RSPO3: variants seen among roughly 807,000 people sequenced by gnomAD.
RSPO3 encodes R-spondin-3.
In RSPO3, 17 loss-of-function variants were observed where a neutral mutation model predicts 36.5. The ratio of observed to expected loss-of-function variants is 0.47; its 90% CI spans 0.32 to 0.70. RSPO3 has a LOEUF of 0.70. RSPO3 is among the 30% of genes least tolerant of loss of function. RSPO3 has a pLI of 0.04. For missense variants in RSPO3, 294 were observed against 322.5 expected (o/e 0.91, Z 0.68); for synonymous variants, 108 against 107.0 (o/e 1.01, Z -0.06).
chr6:127,196,760 T>G lies in RSPO3; in HGVS notation c.*753T>G, dbSNP rs1367065104. Reference sequence around the variant, plus strand: ...TATGTGGCTCAGCCTCTGTTACCCCTTGGATTATATATCAACCTGTAAACA... The same window carrying G: ...TATGTGGCTCAGCCTCTGTTACCCCGTGGATTATATATCAACCTGTAAACA... On this transcript the variant is annotated 3_prime_UTR_variant, in exon 5 of 5. Transcript: ENST00000356698. 6.6e-6 allele frequency: 1 copy of G among 152,592 alleles called. No homozygotes were observed. The highest frequency in any genetic ancestry group is 2.4e-5 in the African/African-American group (1 of 41,450). The allele number at this position is 152,592 out of a possible 1,614,324, so 9.5% of individuals were successfully genotyped here. A position where few individuals can be genotyped will look rare whatever the true frequency, so the allele number is the denominator to read the frequency against.
intron 1 of RSPO3, among the ~76,000 whole-genome samples, chr6:127,125,189 A>G (rs1773916043): frequency 6.6e-6 from 1 of 152,132 alleles, no homozygotes; most frequent in Non-Finnish European, 1.5e-5. Flanking sequence ...GTCCAATTAA[A>G]TAAATATTTA....
intron 4 of RSPO3, among the ~76,000 whole-genome samples, chr6:127,175,184 C>T (rs1277133989): frequency 6.6e-6 from 1 of 151,638 alleles, no homozygotes; most frequent in Non-Finnish European, 1.5e-5. Context: ...TAAAAATATT[C>T]ATTTATATTT....
chr6:127,151,479 G>A (rs6932207), intron 3 of RSPO3, among the ~76,000 whole-genome samples: 70,238 of 151,590 alleles, frequency 0.46, 16,506 homozygotes, highest in East Asian at 0.53. Context: ...TTGATGCTGC[G>A]GTGATGTTGG....
At chr6:127,144,643 G>GTTTTTTTGGTTTTTT (rs763226451) in intron 1 of RSPO3, among the ~76,000 whole-genome samples, 1 of 99,130 alleles carries the variant, frequency 1.0e-5, no homozygotes, top group Non-Finnish European at 2.0e-5. Context: ...GCTTCCCCTT[G>GTTTTTTTGGTTTTTT]TTTTTTTTTT....
intron 4 of RSPO3, among the ~76,000 whole-genome samples, chr6:127,167,235 A>C (rs985514446): frequency 1.3e-5 from 2 of 151,862 alleles, no homozygotes; most frequent in African/African-American, 4.8e-5. Flanking sequence ...CCCATCACCT[A>C]TTAAGCCCAG....
At chr6:127,143,021 G>A (rs1404618786) in intron 1 of RSPO3, among the ~76,000 whole-genome samples, 1 of 148,972 alleles carries the variant, frequency 6.7e-6, no homozygotes, top group Non-Finnish European at 1.5e-5. Flanking sequence ...GTTTTGCTGT[G>A]TTGCCCAGGC....
Position 127,197,382 on chromosome 6 carries a change from T to G in RSPO3, c.*1375T>G. On this transcript the variant is annotated 3_prime_UTR_variant, in exon 5 of 5. Coordinates refer to ENST00000356698, the MANE Select transcript of RSPO3 (RefSeq NM_032784.5). ...TCAGATCCCCCTGCATCTTCAACAT[T>G]TAGTCTTTTCTTCTCCATATTTTCT... 1.3e-6 allele frequency: 2 copies of G among 1,548,934 alleles called. No individual in the cohort carries two copies. The highest frequency in any genetic ancestry group is 1.7e-6 in the Non-Finnish European group (2 of 1,146,274).
Position 127,197,470 on chromosome 6 carries a change from G to T in RSPO3, c.*1463G>T, listed in dbSNP as rs1311702290. The T allele has an allele frequency of 8.4e-6, 13 of 1,550,498 alleles. No individual in the cohort carries two copies. Among genetic ancestry groups the T allele is most frequent in the Non-Finnish European group, 1.1e-5 (13 of 1,146,980 alleles). On this transcript the variant is annotated 3_prime_UTR_variant, in exon 5 of 5. Transcript: ENST00000356698. ...CTGAAGGCCTCACCAGTGTTTCACA[G>T]AGGACACAGCCCACCCCTTGCAGGA...
At chr6:127,158,491 G>C (rs1263758325) in intron 4 of RSPO3, among the ~76,000 whole-genome samples, 2 of 152,216 alleles carry the variant, frequency 1.3e-5, no homozygotes, top group Non-Finnish European at 2.9e-5. Context: ...ATGTGTTCAG[G>C]ATTTTTTCTG....
chr6:127,148,976 T>A, intron 2 of RSPO3, 137 bp downstream of exon 2: 1 of 729,812 alleles, frequency 1.4e-6, no homozygotes, highest in Non-Finnish European at 2.1e-6. Flanking sequence ...AAACCATACT[T>A]GGACTTAACC....
intron 1 of RSPO3, among the ~76,000 whole-genome samples, chr6:127,128,548 T>C: frequency 6.6e-6 from 1 of 152,112 alleles, no homozygotes; most frequent in East Asian, 1.9e-4. Context: ...AAGCAACCAC[T>C]GAAAACCATG....
intron 1 of RSPO3, among the ~76,000 whole-genome samples, chr6:127,134,974 A>C (rs1306992854): frequency 1.3e-5 from 2 of 152,194 alleles, no homozygotes; most frequent in Admixed American, 1.3e-4. Flanking sequence ...TTAAATGAGA[A>C]ATAGTTATCT....
intron 4 of RSPO3, 90 bp downstream of exon 4, chr6:127,155,528 C>A: frequency 8.7e-7 from 1 of 1,155,932 alleles, no homozygotes; most frequent in Non-Finnish European, 1.3e-6. Context: ...TTGGCATTAT[C>A]TTTCATGCCT....
chr6:127,162,582 C>T (rs1469002789), intron 4 of RSPO3, among the ~76,000 whole-genome samples: 6 of 152,140 alleles, frequency 3.9e-5, no homozygotes, highest in Non-Finnish European at 7.4e-5. Context: ...TTCATACGCT[C>T]AACAAATATT....
intron 4 of RSPO3, among the ~76,000 whole-genome samples, chr6:127,166,337 C>A (rs1413986164): frequency 2.0e-5 from 3 of 151,892 alleles, no homozygotes; most frequent in Admixed American, 2.0e-4. Context: ...CTTACTGTAA[C>A]AAAAATCTCT....
chr6:127,119,395 T>C (rs1773788360), intron 1 of RSPO3, 106 bp downstream of exon 1: 1 of 809,598 alleles, frequency 1.2e-6, no homozygotes, highest in Non-Finnish European at 2.1e-6. Context: ...CCTCCCGCCC[T>C]GCGCCTCGCA....
rs1775537744 is a variant in RSPO3 at position 127,197,503 on chromosome 6, T to C, written c.*1496T>C. ...AGCCCACCCCTTGCAGGAGGAGGTATCTCTGAGTGTGCAGCACAGAATCGC... is the reference window on the plus strand; with the variant it reads ...AGCCCACCCCTTGCAGGAGGAGGTACCTCTGAGTGTGCAGCACAGAATCGC... On this transcript the variant is annotated 3_prime_UTR_variant, in exon 5 of 5. Transcript: ENST00000356698. The C allele has an allele frequency of 4.5e-6, 7 of 1,550,436 alleles. No homozygotes were observed. In the South Asian group the frequency reaches 8.3e-5, roughly 18 times the overall value.
At chr6:127,155,091 G>A (rs532402647) in intron 3 of RSPO3, 150 bp from the exon 4 acceptor site, 3 of 731,260 alleles carry the variant, frequency 4.1e-6, no homozygotes, top group Admixed American at 2.3e-5. Context: ...CCATTCTCCT[G>A]TTTTATATTT....
At chr6:127,137,840 CTAATCTATACAT>C (rs1463407194) in intron 1 of RSPO3, among the ~76,000 whole-genome samples, 1 of 152,110 alleles carries the variant, frequency 6.6e-6, no homozygotes, top group African/African-American at 2.4e-5. Context: ...CAAAAAGTTT[CTAATCTATACAT>C]TTATGGGTTT....
Sources: gnomAD v4.1 joint callset for allele counts (sites outside exome capture counted in the v4.1 genomes callset) on GRCh38, gnomAD v4.1.1 for gene constraint, MANE v1.5 for transcripts, NCBI Gene and HGNC (gene_info 2026-07-23, HGNC 2026-07-21) for gene names.